The following RALGAPA2 variants were observed in gnomAD, a reference collection of about 807,000 sequenced individuals.
The protein encoded by RALGAPA2 is Ral GTPase activating protein catalytic subunit alpha 2, also known as ral GTPase-activating protein subunit alpha-2.
Under a neutral mutation model 230.4 loss-of-function variants are expected in RALGAPA2, and 139 were observed. That is an observed-to-expected ratio of 0.60 (90% CI 0.53 to 0.69). The LOEUF (loss-of-function observed/expected upper bound fraction) is 0.69, where lower values mean the gene tolerates loss of function less well. Among genes scored for constraint, RALGAPA2 ranks in the 30% least tolerant of loss-of-function variants. RALGAPA2 has a pLI of 0.00. For missense variants in RALGAPA2, 2,163 were observed against 2,276.0 expected, an observed-to-expected ratio of 0.95 and a Z score of 1.01; for synonymous variants, 847 against 837.8, an observed-to-expected ratio of 1.01 and a Z score of -0.19.
chr20:20,699,132 C>A (rs1023960175), intron 1 of RALGAPA2, among the ~76,000 whole-genome samples: 4 of 152,048 alleles, frequency 2.6e-5, no homozygotes, highest in African/African-American at 4.8e-5. Context: ...GTTAATTACA[C>A]GTTTTTTATG....
intron 36 of RALGAPA2, among the ~76,000 whole-genome samples, chr20:20,479,734 A>G (rs1047576516): frequency 3.3e-5 from 5 of 152,210 alleles, no homozygotes; most frequent in Non-Finnish European, 7.3e-5. Context: ...ATGTCCCCCT[A>G]CATCACATCT....
intron 10 of RALGAPA2, 124 bp downstream of exon 10, chr20:20,629,239 A>G: frequency 5.3e-6 from 4 of 751,856 alleles, no homozygotes; most frequent in Non-Finnish European, 9.0e-6. Flanking sequence ...CTGTAACATA[A>G]CCCAACTCAC....
At chr20:20,708,570 A>C (rs941811723) in intron 1 of RALGAPA2, among the ~76,000 whole-genome samples, 3 of 152,186 alleles carry the variant, frequency 2.0e-5, no homozygotes, top group Non-Finnish European at 4.4e-5. Context: ...TTCTGCCATG[A>C]TTGTGAGGCC....
At position 20,571,473 on chromosome 20, in the gene RALGAPA2, T is replaced by G. The variant is rs771331234; in HGVS notation, c.3141A>C (p.Leu1047Phe). Residue 1047 changes from leucine to phenylalanine, a missense_variant, in exon 23 of 40, where the codon TTA (leucine) becomes TTC (phenylalanine). By Grantham distance (22) the Leu-to-Phe change is conservative. Coordinates refer to ENST00000202677, the MANE Select transcript of RALGAPA2 (RefSeq NM_020343.4). Reference protein sequence around the residue: ...VHFYLVMHLGLTSEDQDILNT... With the variant: ...VHFYLVMHLGFTSEDQDILNT... ...CGCAGAATACCTGATCCTCGCTGGT[T>G]AATCCCAGGTGCATCACAAGGTAAA... 3 of 1,612,192 alleles carry G rather than the reference T, an allele frequency of 1.9e-6. No individual in the cohort carries two copies. The East Asian group carries it at 6.7e-5, about 36-fold the overall frequency.
At chr20:20,534,252 G>T (rs1373334719) in intron 26 of RALGAPA2, among the ~76,000 whole-genome samples, 1 of 152,084 alleles carries the variant, frequency 6.6e-6, no homozygotes, top group Non-Finnish European at 1.5e-5. Context: ...AGACCATCCT[G>T]GCTAACACGG....
chr20:20,577,466 T>G (rs912697916), intron 20 of RALGAPA2, among the ~76,000 whole-genome samples: 2 of 152,124 alleles, frequency 1.3e-5, no homozygotes, highest in African/African-American at 4.8e-5. Flanking sequence ...CACAAGAGTA[T>G]CATATACTCA....
intron 24 of RALGAPA2, among the ~76,000 whole-genome samples, chr20:20,545,934 C>T (rs2063763062): frequency 1.3e-5 from 2 of 152,116 alleles, no homozygotes; most frequent in African/African-American, 4.8e-5. Flanking sequence ...GGCATAATGG[C>T]GTGTACCTGC....
At chr20:20,697,998 C>A (rs1243888839) in intron 1 of RALGAPA2, among the ~76,000 whole-genome samples, 1 of 152,014 alleles carries the variant, frequency 6.6e-6, no homozygotes, top group South Asian at 2.1e-4. Context: ...CCACTTGCAA[C>A]CTAAAAGTCC....
intron 3 of RALGAPA2, among the ~76,000 whole-genome samples, chr20:20,673,421 A>G (rs989915799): frequency 3.3e-5 from 5 of 152,128 alleles, no homozygotes; most frequent in African/African-American, 9.6e-5. Context: ...CTTGAAGACA[A>G]TAAAGACCAA....
intron 9 of RALGAPA2, among the ~76,000 whole-genome samples, chr20:20,635,022 G>A (rs1210859504): frequency 2.6e-5 from 4 of 152,142 alleles, no homozygotes; most frequent in Non-Finnish European, 4.4e-5. Flanking sequence ...CAGCTTCACA[G>A]GTCCTTTCCA....
chr20:20,694,818 G>C (rs972943684), intron 1 of RALGAPA2, among the ~76,000 whole-genome samples: 2 of 152,210 alleles, frequency 1.3e-5, no homozygotes, highest in African/African-American at 4.8e-5. Flanking sequence ...ACCCAAGCAA[G>C]AGCCAGCCTG....
intron 23 of RALGAPA2, among the ~76,000 whole-genome samples, chr20:20,567,242 CT>C (rs1360756849): frequency 6.6e-6 from 1 of 152,206 alleles, no homozygotes; most frequent in Non-Finnish European, 1.5e-5. Context: ...ATCTTTCCAT[CT>C]GTTTTAAATA....
intron 3 of RALGAPA2, among the ~76,000 whole-genome samples, chr20:20,658,116 C>A (rs1177380619): frequency 6.6e-6 from 1 of 152,166 alleles, no homozygotes; most frequent in Non-Finnish European, 1.5e-5. Flanking sequence ...GGTAAGTTTT[C>A]AGATTCACAA....
intron 26 of RALGAPA2, among the ~76,000 whole-genome samples, chr20:20,532,959 T>C (rs762917592): frequency 1.3e-5 from 2 of 149,260 alleles, no homozygotes; most frequent in Admixed American, 6.7e-5. Flanking sequence ...AAATACCTAG[T>C]AGAACCTCTA....
At chr20:20,457,381 G>A (rs2061147201) in intron 37 of RALGAPA2, among the ~76,000 whole-genome samples, 1 of 152,158 alleles carries the variant, frequency 6.6e-6, no homozygotes, top group Non-Finnish European at 1.5e-5. Context: ...ACACGAGTTT[G>A]CCATTTATCT....
Position 20,536,796 on chromosome 20 carries a change from G to A in RALGAPA2, c.3286-12C>T. ...TCTGAACGAGGCGCCTGCACATAAG[G>A]AAGAGGAGCACACACATTTCTCTTT... On this transcript the variant is annotated splice_polypyrimidine_tract_variant and intron_variant, in intron 24 of 39. Coordinates refer to ENST00000202677, the MANE Select transcript of RALGAPA2 (RefSeq NM_020343.4). 2 of 1,608,924 alleles carry A rather than the reference G, an allele frequency of 1.2e-6. No homozygotes were observed. Among genetic ancestry groups the A allele is most frequent in the African/African-American group, 1.3e-5 (1 of 74,906 alleles).
Position 20,539,614 on chromosome 20 carries a change from C to T in RALGAPA2, c.3286-2830G>A, listed in dbSNP as rs6082035. On this transcript the variant is annotated intron_variant, in intron 24 of 39. Coordinates refer to ENST00000202677, the MANE Select transcript of RALGAPA2 (RefSeq NM_020343.4). Reference sequence around the variant, plus strand: ...TATCACCTCATATAGTTCCTTTATGCGTGAGTTGTGAACACTTGAGATCTA... The same window carrying T: ...TATCACCTCATATAGTTCCTTTATGTGTGAGTTGTGAACACTTGAGATCTA... 9.8e-3 allele frequency among the ~76,000 whole-genome samples: 1,487 copies of T among 151,870 alleles called. 12 individuals are homozygous for T. Among genetic ancestry groups the T allele is most frequent in the Non-Finnish European group, 0.014 (930 of 67,922 alleles).
intron 37 of RALGAPA2, among the ~76,000 whole-genome samples, chr20:20,422,306 A>C (rs2060293483): frequency 6.6e-6 from 1 of 152,202 alleles, no homozygotes; most frequent in Non-Finnish European, 1.5e-5. Flanking sequence ...TCAATAAAAT[A>C]AATGCCCCCA....
chr20:20,588,656 T>A (rs1192986564), intron 18 of RALGAPA2, among the ~76,000 whole-genome samples: 3 of 152,138 alleles, frequency 2.0e-5, no homozygotes. Flanking sequence ...AAAAGAAACA[T>A]AACATGGGTT....
Sources: gnomAD v4.1 joint callset for allele counts (sites outside exome capture counted in the v4.1 genomes callset) on GRCh38, gnomAD v4.1.1 for gene constraint, MANE v1.5 for transcripts, NCBI Gene and HGNC (gene_info 2026-07-23, HGNC 2026-07-21) for gene names.